Variants in CNTN3 observed in about 807,000 individuals in gnomAD.
CNTN3 encodes contactin 3, also known as contactin-3.
A neutral mutation model predicts 119.1 loss-of-function variants in CNTN3; 60 were observed. The observed-to-expected ratio is 0.50, with a 90% confidence interval of 0.41 to 0.62. The LOEUF (loss-of-function observed/expected upper bound fraction) is 0.62, where lower values mean the gene tolerates loss of function less well. CNTN3 is among the 20% of genes least tolerant of loss of function. The pLI, the probability that CNTN3 is intolerant of heterozygous loss-of-function variation, is 0.00. For missense variants in CNTN3, 1,101 were observed against 1,242.4 expected (o/e 0.89, Z 1.71); for synonymous variants, 450 against 438.7 (o/e 1.03, Z -0.32).
chr3:74,536,956 G>A (rs977103232), intron 1 of CNTN3, among the ~76,000 whole-genome samples: 10 of 150,736 alleles, frequency 6.6e-5, no homozygotes, highest in East Asian at 2.0e-4. Context: ...CTACTTCTCC[G>A]TTTTAGACAA....
chr3:74,280,400 G>A (rs1701980094), intron 20 of CNTN3, among the ~76,000 whole-genome samples: 1 of 152,164 alleles, frequency 6.6e-6, no homozygotes, highest in African/African-American at 2.4e-5. Flanking sequence ...GGGAGTCTGG[G>A]CATGTGTTTC....
chr3:74,573,003 T>G (rs1704358659), intron 1 of CNTN3, among the ~76,000 whole-genome samples: 1 of 152,198 alleles, frequency 6.6e-6, no homozygotes. Context: ...GTGTGGATGT[T>G]CATGGCCTCA....
At chr3:74,456,910 A>G (rs1192987114) in intron 4 of CNTN3, among the ~76,000 whole-genome samples, 1 of 152,000 alleles carries the variant, frequency 6.6e-6, no homozygotes, top group East Asian at 1.9e-4. Context: ...CTATTTACCA[A>G]TAAGTTTTTT....
chr3:74,469,511 CAAAT>C lies in CNTN3; in HGVS notation c.358+16941_358+16944del, dbSNP rs756456539. Among the ~76,000 whole-genome samples, 17 of 152,186 alleles carry C rather than the reference CAAAT, an allele frequency of 1.1e-4. 1 individual carries two copies. The South Asian group carries it at 1.7e-3, about 15-fold the overall frequency. On this transcript the variant is annotated intron_variant, in intron 4 of 22. Coordinates refer to ENST00000263665, the MANE Select transcript of CNTN3 (RefSeq NM_020872.3). ...TTCCAACAACTCAATAATAAAAAGA[CAAAT>C]AACCCAATTTAAAAATGGGCAAAGG...
intron 1 of CNTN3, among the ~76,000 whole-genome samples, chr3:74,611,711 T>G (rs1298639350): frequency 6.6e-6 from 1 of 152,322 alleles, no homozygotes; most frequent in South Asian, 2.1e-4. Context: ...CCACCAGCAT[T>G]AAGTGATTAA....
intron 1 of CNTN3, among the ~76,000 whole-genome samples, chr3:74,606,727 A>G (rs775782735): frequency 3.6e-4 from 55 of 152,104 alleles, no homozygotes; most frequent in Admixed American, 2.0e-3. Flanking sequence ...AGAATTTGCC[A>G]TTATATGGAA....
At chr3:74,312,932 A>G (rs947504793) in intron 13 of CNTN3, among the ~76,000 whole-genome samples, 6 of 152,170 alleles carry the variant, frequency 3.9e-5, no homozygotes, top group African/African-American at 1.4e-4. Context: ...GTGAAAAAAT[A>G]AACAAACATG....
intron 4 of CNTN3, among the ~76,000 whole-genome samples, chr3:74,449,106 A>T (rs1702100420): frequency 6.6e-6 from 1 of 151,974 alleles, no homozygotes; most frequent in Non-Finnish European, 1.5e-5. Flanking sequence ...AAGCCAACTC[A>T]GGTCTTTACA....
intron 11 of CNTN3, among the ~76,000 whole-genome samples, chr3:74,343,246 C>G (rs1004353153): frequency 6.6e-5 from 10 of 152,208 alleles, no homozygotes; most frequent in Admixed American, 5.2e-4. Flanking sequence ...CAGGCCCTCC[C>G]CATAAGGGCA....
chr3:74,395,893 CG>C (rs1360959197), intron 5 of CNTN3, among the ~76,000 whole-genome samples: 3 of 152,020 alleles, frequency 2.0e-5, no homozygotes, highest in Non-Finnish European at 4.4e-5. Context: ...ATATTTAAAA[CG>C]TTTTCATTAT....
chr3:74,500,377 A>G (rs938452915), intron 2 of CNTN3, among the ~76,000 whole-genome samples: 1 of 151,934 alleles, frequency 6.6e-6, no homozygotes, highest in South Asian at 2.1e-4. Context: ...TTCCACATAG[A>G]GAAAAAAAAA....
intron 2 of CNTN3, among the ~76,000 whole-genome samples, chr3:74,505,711 T>C (rs942775216): frequency 5.3e-5 from 8 of 151,958 alleles, no homozygotes; most frequent in African/African-American, 1.9e-4. Flanking sequence ...AAAAAGGTAA[T>C]ATAATACACT....
chr3:74,585,028 T>C (rs1355826506), intron 1 of CNTN3, among the ~76,000 whole-genome samples: 1 of 152,202 alleles, frequency 6.6e-6, no homozygotes, highest in Non-Finnish European at 1.5e-5. Context: ...CTTTCCCTTT[T>C]TGTTCCTTTA....
chr3:74,567,724 A>G (rs1704249538), intron 1 of CNTN3, among the ~76,000 whole-genome samples: 1 of 152,110 alleles, frequency 6.6e-6, no homozygotes, highest in Non-Finnish European at 1.5e-5. Flanking sequence ...CCTGTTTTCA[A>G]GATGCTCAGA....
chr3:74,277,118 C>T (rs1701898248), intron 20 of CNTN3, among the ~76,000 whole-genome samples: 1 of 152,028 alleles, frequency 6.6e-6, no homozygotes, highest in South Asian at 2.1e-4. Context: ...CAATAACAAG[C>T]AGTGAGACTG....
At chr3:74,405,233 C>G (rs1705295131) in intron 5 of CNTN3, among the ~76,000 whole-genome samples, 1 of 151,942 alleles carries the variant, frequency 6.6e-6, no homozygotes, top group African/African-American at 2.4e-5. Context: ...AATGAATAGA[C>G]AGTTATTTCC....
intron 13 of CNTN3, among the ~76,000 whole-genome samples, chr3:74,311,163 G>C (rs1702675974): frequency 6.6e-6 from 1 of 152,168 alleles, no homozygotes; most frequent in Admixed American, 6.5e-5. Context: ...CAATGGCTCA[G>C]AGAGAATAAA....
At chr3:74,501,481 G>C (rs1392887389) in intron 2 of CNTN3, among the ~76,000 whole-genome samples, 3 of 152,022 alleles carry the variant, frequency 2.0e-5, no homozygotes, top group Non-Finnish European at 4.4e-5. Flanking sequence ...TCCTCTAGCT[G>C]ATTTTAGTAT....
intron 2 of CNTN3, 35 bp from the exon 3 acceptor site, chr3:74,499,820 C>A: frequency 6.5e-7 from 1 of 1,547,570 alleles, no homozygotes; most frequent in South Asian, 1.2e-5. Context: ...AAATAATAAT[C>A]AGTAAAAGGC....
Sources: allele counts gnomAD v4.1 joint callset (sites outside exome capture counted in the v4.1 genomes callset), GRCh38; gene constraint gnomAD v4.1.1; transcripts MANE v1.5; gene names NCBI Gene and HGNC (gene_info 2026-07-23, HGNC 2026-07-21).